DSE: variants seen among roughly 807,000 people sequenced by gnomAD.
The protein encoded by DSE is dermatan-sulfate epimerase.
A neutral mutation model predicts 84.4 loss-of-function variants in DSE; 36 were observed. That is an observed-to-expected ratio of 0.43 (90% CI 0.33 to 0.56). The LOEUF (loss-of-function observed/expected upper bound fraction) is 0.56. DSE is among the 20% of genes least tolerant of loss of function. The pLI, the probability that DSE is intolerant of heterozygous loss-of-function variation, is 0.06. For missense variants in DSE, 862 were observed against 1,169.6 expected, an observed-to-expected ratio of 0.74 and a Z score of 3.84; for synonymous variants, 410 against 430.1, an observed-to-expected ratio of 0.95 and a Z score of 0.58.
intron 2 of DSE, among the ~76,000 whole-genome samples, chr6:116,293,917 A>T (rs1774476815): frequency 6.6e-6 from 1 of 152,110 alleles, no homozygotes; most frequent in Admixed American, 6.6e-5. Flanking sequence ...GACCTTGGTG[A>T]TCTATTTGGT....
At chr6:116,275,960 CTT>C (rs1773122574) in intron 2 of DSE, among the ~76,000 whole-genome samples, 2 of 152,246 alleles carry the variant, frequency 1.3e-5, no homozygotes, top group South Asian at 2.1e-4. Flanking sequence ...TCTGTTAATT[CTT>C]TGTTTGCTTA....
At chr6:116,430,904 T>C (rs1420083251) in intron 3 of DSE, 50 bp from the exon 4 acceptor site, 4 of 1,595,560 alleles carry the variant, frequency 2.5e-6, no homozygotes, top group Non-Finnish European at 8.5e-7. Context: ...TTTTTGTTTA[T>C]GCTTTGTCAC....
chr6:116,436,382 C>T lies in DSE; in HGVS notation c.1914C>T (p.Gly638=), dbSNP rs200111859. 6.8e-6 allele frequency: 11 copies of T among 1,614,152 alleles called. No homozygotes were observed. The East Asian group carries it at 1.8e-4, about 26-fold the overall frequency. ...TTGCCTCAGTGACATATCCTCGGGG[C>T]TATCCCTACAATGGGACAAACTATG... The part of the protein sequence containing the change: ...ATFASVTYPR[G]YPYNGTNYVN... Residue 638 remains glycine, a synonymous_variant, in exon 6 of 6, where the codon GGC becomes GGT. Coordinates refer to ENST00000644252, the MANE Select transcript of DSE (RefSeq NM_013352.4).
At chr6:116,289,832 A>G (rs1774170319) in intron 2 of DSE, among the ~76,000 whole-genome samples, 1 of 152,046 alleles carries the variant, frequency 6.6e-6, no homozygotes, top group Admixed American at 6.6e-5. Context: ...TGGCTCTGAG[A>G]CTATATTATA....
chr6:116,384,945 T>C (rs976118887), intron 1 of DSE, among the ~76,000 whole-genome samples: 1 of 152,164 alleles, frequency 6.6e-6, no homozygotes, highest in Non-Finnish European at 1.5e-5. Context: ...AGAATGGTAA[T>C]GGTTGGACTT....
chr6:116,291,608 G>A (rs1774283992), intron 2 of DSE, among the ~76,000 whole-genome samples: 1 of 151,250 alleles, frequency 6.6e-6, no homozygotes, highest in Non-Finnish European at 1.5e-5. Context: ...ATACATATTT[G>A]TTAATCCTAT....
chr6:116,289,082 A>T (rs994835470), intron 2 of DSE, among the ~76,000 whole-genome samples: 1 of 152,070 alleles, frequency 6.6e-6, no homozygotes, highest in Non-Finnish European at 1.5e-5. Flanking sequence ...AATCTGAGCC[A>T]TTACCCTTCA....
chr6:116,322,326 CT>C (rs920966241), intron 2 of DSE, among the ~76,000 whole-genome samples: 5 of 152,046 alleles, frequency 3.3e-5, no homozygotes, highest in African/African-American at 1.2e-4. Flanking sequence ...TTAGTTTTTA[CT>C]TTTTCTTTCT....
intron 1 of DSE, among the ~76,000 whole-genome samples, chr6:116,396,018 C>T (rs1781230831): frequency 6.6e-6 from 1 of 152,162 alleles, no homozygotes; most frequent in Non-Finnish European, 1.5e-5. Flanking sequence ...CGTGTTTTCT[C>T]CCATTAGTTT....
chr6:116,424,415 C>G (rs1306479118), intron 2 of DSE, among the ~76,000 whole-genome samples: 1 of 152,166 alleles, frequency 6.6e-6, no homozygotes, highest in Non-Finnish European at 1.5e-5. Context: ...GTCTTTTTAG[C>G]ACCAAACACC....
chr6:116,350,212 A>G (rs1778227458), intron 2 of DSE, among the ~76,000 whole-genome samples: 1 of 152,212 alleles, frequency 6.6e-6, no homozygotes. Flanking sequence ...AAAAGTGATC[A>G]GGCCATTTCG....
intron 2 of DSE, among the ~76,000 whole-genome samples, chr6:116,318,514 A>T (rs1776122732): frequency 1.3e-4 from 1 of 7,766 alleles, no homozygotes; most frequent in South Asian, 0.17. Context: ...AAGAAAAAAA[A>T]AAAAGAAAGA....
intron 2 of DSE, among the ~76,000 whole-genome samples, chr6:116,272,804 C>A (rs1772939892): frequency 3.9e-5 from 6 of 152,214 alleles, no homozygotes; most frequent in Admixed American, 3.9e-4. Flanking sequence ...GACTATTTGT[C>A]TGAATGTAAA....
chr6:116,368,950 G>GGA (rs1201780083), upstream of DSE, among the ~76,000 whole-genome samples: 1 of 151,410 alleles, frequency 6.6e-6, no homozygotes, highest in Non-Finnish European at 1.5e-5. Context: ...GGACGGGGGG[G>GGA]GCTTTGCACA....
rs536289813 is a variant in DSE at position 116,347,664 on chromosome 6, A to C, written c.-53-51534A>C. ...TAATTCAAGATGGATTAAAGACTTA[A>C]ATGTTAGACCTAAAACCATAAAAAC... is the stretch of plus-strand genomic sequence containing the variant. On this transcript the variant is annotated intron_variant, in intron 2 of 3. Transcript: ENST00000430252. Among the ~76,000 whole-genome samples, 4 of 152,336 alleles carry C rather than the reference A, an allele frequency of 2.6e-5. No homozygotes were observed. The East Asian group carries it at 5.8e-4, about 22-fold the overall frequency.
intron 2 of DSE, among the ~76,000 whole-genome samples, chr6:116,315,381 G>T (rs569949172): frequency 6.7e-5 from 10 of 148,378 alleles, no homozygotes; most frequent in Non-Finnish European, 1.3e-4. Flanking sequence ...TTGTTATTTT[G>T]TCAGTCTCCT....
chr6:116,344,975 A>G (rs1255252344), intron 2 of DSE, among the ~76,000 whole-genome samples: 1 of 152,224 alleles, frequency 6.6e-6, no homozygotes, highest in African/African-American at 2.4e-5. Flanking sequence ...TTGCAATCCT[A>G]GTCTCTGATA....
chr6:116,347,371 T>C (rs202140400), intron 2 of DSE, among the ~76,000 whole-genome samples: 1 of 148,872 alleles, frequency 6.7e-6, no homozygotes, highest in Non-Finnish European at 1.5e-5. Flanking sequence ...CTTCAAACTA[T>C]ACTACAAGGC....
intron 2 of DSE, among the ~76,000 whole-genome samples, chr6:116,426,306 C>T (rs1006498035): frequency 6.6e-6 from 1 of 152,166 alleles, no homozygotes; most frequent in African/African-American, 2.4e-5. Context: ...TATTCTACTA[C>T]TTCTTGTCAT....
Sources: allele counts gnomAD v4.1 joint callset (sites outside exome capture counted in the v4.1 genomes callset), GRCh38; gene constraint gnomAD v4.1.1; transcripts MANE v1.5; gene names NCBI Gene and HGNC (gene_info 2026-07-23, HGNC 2026-07-21).